The following GSE1 variants were observed in gnomAD, a reference collection of about 807,000 sequenced individuals.
GSE1 encodes Gse1 coiled-coil protein, also known as genetic suppressor element 1.
Under a neutral mutation model 112.6 loss-of-function variants are expected in GSE1, and 32 were observed. The observed-to-expected ratio is 0.28, with a 90% CI of 0.21 to 0.38. GSE1 has a LOEUF of 0.38. GSE1 is among the 10% of genes least tolerant of loss of function. The pLI, the probability that GSE1 is intolerant of heterozygous loss-of-function variation, is 1.00. For missense variants in GSE1, 2,348 were observed against 1,699.2 expected (o/e 1.38, Z -6.71); for synonymous variants, 1,115 against 735.6 (o/e 1.52, Z -8.35).
intron 2 of GSE1, among the ~76,000 whole-genome samples, chr16:85,459,773 C>T (rs76768224): frequency 0.01 from 1,579 of 152,328 alleles, 26 homozygotes; most frequent in African/African-American, 0.036. Flanking sequence ...GACTTGTTTT[C>T]CCTTCCCAGA....
chr16:85,237,215 C>T (rs747461683), intron 1 of GSE1, among the ~76,000 whole-genome samples: 9 of 151,858 alleles, frequency 5.9e-5, no homozygotes, highest in Non-Finnish European at 1.3e-4. Context: ...CCCAGCTACT[C>T]GGGAGGCTGA....
intron 1 of GSE1, among the ~76,000 whole-genome samples, chr16:85,218,487 C>T (rs749754235): frequency 9.9e-5 from 15 of 152,214 alleles, no homozygotes; most frequent in Non-Finnish European, 1.9e-4. Context: ...TCTGGGGCTG[C>T]ACGTGAAACG....
intron 1 of GSE1, chr16:85,595,572 T>A (rs2047185313): frequency 6.6e-6 from 1 of 152,172 alleles, no homozygotes; most frequent in Non-Finnish European, 1.5e-5. Context: ...CTAGGACACG[T>A]TCCATGTGGT....
rs368055169 is a variant in GSE1, at chr16:85,661,463, C to T, written c.1958C>T (p.Pro653Leu). Residue 653 changes from proline (P) to leucine (L), a missense_variant, in exon 9 of 16, where the codon CCG becomes CTG. Physicochemically the swap from Pro to Leu is moderately conservative, Grantham distance 98 (BLOSUM62 -3). Transcript: ENST00000253458. The part of the protein sequence containing the change: ...PAPLDKYQPP[P>L]PPPREGGSLE... ...CCTCTGGACAAGTACCAGCCACCTC[C>T]GCCGCCACCACGAGAGGGAGGGAGC... 1.3e-4 allele frequency: 208 copies of T among 1,611,608 alleles called. 1 individual carries two copies. The Middle Eastern group carries it at 2.0e-3, about 15-fold the overall frequency.
At chr16:85,543,214 A>C (rs2151213245) in intron 2 of GSE1, among the ~76,000 whole-genome samples, 2 of 151,776 alleles carry the variant, frequency 1.3e-5, no homozygotes, top group East Asian at 3.9e-4. Context: ...CCATCTCAAA[A>C]AAAAAAAAAA....
At chr16:85,480,372 C>T (rs989434366) in intron 2 of GSE1, among the ~76,000 whole-genome samples, 1 of 152,216 alleles carries the variant, frequency 6.6e-6, no homozygotes, top group Non-Finnish European at 1.5e-5. Context: ...CCTGGCCTTG[C>T]GGCAGGGGGC....
chr16:85,174,138 G>T (rs990721158), intron 1 of GSE1, among the ~76,000 whole-genome samples: 4 of 152,324 alleles, frequency 2.6e-5, no homozygotes, highest in Admixed American at 1.3e-4. Context: ...AGGCAAACAG[G>T]CCCAGAAGCA....
intron 1 of GSE1, among the ~76,000 whole-genome samples, chr16:85,604,042 C>T (rs2151493927): frequency 6.6e-6 from 1 of 152,176 alleles, no homozygotes; most frequent in South Asian, 2.1e-4. Flanking sequence ...TCGGGGGAGG[C>T]CCCAGGAAAT....
At chr16:85,324,177 C>T (rs577786688) in intron 1 of GSE1, among the ~76,000 whole-genome samples, 4 of 152,108 alleles carry the variant, frequency 2.6e-5, no homozygotes, top group Non-Finnish European at 5.9e-5. Flanking sequence ...TAGAGTTGCC[C>T]GAGGACCCAG....
chr16:85,655,082 A>T, intron 5 of GSE1, 91 bp downstream of exon 5: 1 of 841,910 alleles, frequency 1.2e-6, no homozygotes, highest in Non-Finnish European at 1.9e-6. Flanking sequence ...TTATGACCTG[A>T]GAGCCAGGCT....
In GSE1 at chr16:85,294,647, CTCTCTCTCTCTG is replaced by C. The variant is rs1226763095; in HGVS notation, c.2284-62804_2284-62793del. The stretch of plus-strand genomic sequence containing the variant: ...TCTCTCTCTCTCTCTCTCTCTCTCT[CTCTCTCTCTCTG>C]TCTCTCTCTCTCCCCCCCCTTCCCT... On this transcript the variant is annotated intron_variant, in intron 1 of 2. Coordinates refer to the GSE1 transcript ENST00000637419. 6.1e-4 allele frequency among the ~76,000 whole-genome samples: 74 copies of C among 120,492 alleles called. 1 individual carries two copies. The highest frequency in any genetic ancestry group is 2.4e-3 in the African/African-American group (70 of 29,580). The allele number at this position is 120,492 out of a possible 152,430, so 79.0% of individuals were successfully genotyped here.
chr16:85,303,824 C>T (rs920299164), intron 1 of GSE1, among the ~76,000 whole-genome samples: 3 of 152,214 alleles, frequency 2.0e-5, no homozygotes, highest in Non-Finnish European at 4.4e-5. Flanking sequence ...CCTGGCCTGG[C>T]GGGGTTGCGA....
chr16:85,515,904 G>A (rs1471151012), intron 2 of GSE1, among the ~76,000 whole-genome samples: 1 of 152,178 alleles, frequency 6.6e-6, no homozygotes, highest in Non-Finnish European at 1.5e-5. Flanking sequence ...GCCAGTGGCT[G>A]TTCCCACCCG....
At chr16:85,486,072 C>T (rs1407910028) in intron 2 of GSE1, among the ~76,000 whole-genome samples, 1 of 152,184 alleles carries the variant, frequency 6.6e-6, no homozygotes, top group Non-Finnish European at 1.5e-5. Context: ...GGGTGCCCAC[C>T]TCAGGTGCAG....
intron 1 of GSE1, among the ~76,000 whole-genome samples, chr16:85,343,935 A>T (rs970933942): frequency 5.9e-5 from 9 of 152,012 alleles, no homozygotes; most frequent in Admixed American, 5.2e-4. Context: ...CTCTTCCTCA[A>T]ATGCAACCGG....
At chr16:85,633,715 G>A (rs1281613767) in intron 1 of GSE1, among the ~76,000 whole-genome samples, 199 bp from the exon 2 acceptor site, 1 of 152,160 alleles carries the variant, frequency 6.6e-6, no homozygotes, top group Non-Finnish European at 1.5e-5. Flanking sequence ...GTCTGTGCCG[G>A]GTTCCAGCTG....
upstream of GSE1, among the ~76,000 whole-genome samples, chr16:85,612,680 G>T (rs182731853): frequency 2.0e-3 from 306 of 151,404 alleles, no homozygotes; most frequent in Non-Finnish European, 3.8e-3. Flanking sequence ...TTTTCTAGTT[G>T]GGGTAATAAG....
chr16:85,333,014 C>T (rs1567694567), intron 1 of GSE1, among the ~76,000 whole-genome samples: 1 of 152,112 alleles, frequency 6.6e-6, no homozygotes, highest in Non-Finnish European at 1.5e-5. Context: ...GAGACCATCA[C>T]CACCAGGGAC....
chr16:85,365,252 G>A (rs769509372), intron 2 of GSE1, among the ~76,000 whole-genome samples: 3 of 152,162 alleles, frequency 2.0e-5, no homozygotes, highest in South Asian at 2.1e-4. Context: ...AGATCACGGC[G>A]TCCTGGTCTC....
Sources: allele counts gnomAD v4.1 joint callset (sites outside exome capture counted in the v4.1 genomes callset), GRCh38; gene constraint gnomAD v4.1.1; transcripts MANE v1.5; gene names NCBI Gene and HGNC (gene_info 2026-07-23, HGNC 2026-07-21).